CEP112: variants seen among roughly 807,000 people sequenced by gnomAD.
CEP112 encodes the protein centrosomal protein 112, also known as centrosomal protein of 112 kDa.
CEP112 carries 127 observed loss-of-function variants against 153.0 expected under a neutral mutation model. The ratio of observed to expected loss-of-function variants is 0.83; its 90% CI spans 0.72 to 0.96. The LOEUF is 0.96. Ranked by LOEUF, CEP112 falls within the 40% of genes least tolerant of loss-of-function variation. The pLI, the probability that CEP112 is intolerant of heterozygous loss-of-function variation, is 0.00. For synonymous variants in CEP112, 358 were observed against 374.4 expected (o/e 0.96, Z 0.51); for missense variants, 1,089 against 1,101.2 (o/e 0.99, Z 0.16).
intron 4 of CEP112, among the ~76,000 whole-genome samples, chr17:66,159,500 C>T (rs1037065563): frequency 2.6e-5 from 4 of 151,864 alleles, no homozygotes; most frequent in Non-Finnish European, 2.9e-5. Context: ...AGTTTATCCA[C>T]CACAATCAAG....
chr17:65,763,605 G>A (rs1243688905), intron 21 of CEP112, among the ~76,000 whole-genome samples: 1 of 151,768 alleles, frequency 6.6e-6, no homozygotes, highest in African/African-American at 2.4e-5. Context: ...CTACTGATGA[G>A]TCTATCACAG....
At chr17:65,831,332 T>C (rs1477117974) in intron 21 of CEP112, among the ~76,000 whole-genome samples, 1 of 151,728 alleles carries the variant, frequency 6.6e-6, no homozygotes, top group African/African-American at 2.4e-5. Flanking sequence ...CCGAGGCGGG[T>C]GGATCACGAG....
At chr17:65,970,436 A>T (rs568097692) in intron 17 of CEP112, among the ~76,000 whole-genome samples, 8 of 44,748 alleles carry the variant, frequency 1.8e-4, no homozygotes, top group Middle Eastern at 0.012. Flanking sequence ...GCATGCACAC[A>T]TCATGCATGT....
intron 22 of CEP112, among the ~76,000 whole-genome samples, chr17:65,749,938 C>T (rs923638758): frequency 6.6e-6 from 1 of 152,088 alleles, no homozygotes; most frequent in Non-Finnish European, 1.5e-5. Context: ...GCTTAACTTA[C>T]CTACCTGCAA....
intron 17 of CEP112, among the ~76,000 whole-genome samples, chr17:65,965,674 A>G (rs1421010827): frequency 5.3e-5 from 8 of 151,848 alleles, no homozygotes; most frequent in African/African-American, 1.9e-4. Context: ...GGTGCAAGCC[A>G]CCACCCCTGG....
chr17:65,769,840 T>C (rs891211208), intron 21 of CEP112, among the ~76,000 whole-genome samples: 1 of 152,062 alleles, frequency 6.6e-6, no homozygotes, highest in Non-Finnish European at 1.5e-5. Flanking sequence ...GCTGATCAGT[T>C]TTTTTCCTGC....
At chr17:65,673,592 T>C (rs1355343001) in intron 24 of CEP112, among the ~76,000 whole-genome samples, 1 of 152,102 alleles carries the variant, frequency 6.6e-6, no homozygotes, top group Non-Finnish European at 1.5e-5. Context: ...TCCCACATAA[T>C]ATATCCCACA....
intron 24 of CEP112, among the ~76,000 whole-genome samples, chr17:65,664,374 T>C (rs1567830987): frequency 6.6e-6 from 1 of 152,214 alleles, no homozygotes; most frequent in Admixed American, 6.5e-5. Context: ...GATAGTCCAT[T>C]AATTAAGTTT....
At chr17:65,890,903 G>A (rs956571097) in intron 20 of CEP112, among the ~76,000 whole-genome samples, 10 of 152,108 alleles carry the variant, frequency 6.6e-5, no homozygotes, top group East Asian at 1.9e-4. Context: ...CCTATACCAC[G>A]CAGCCTTTGA....
chr17:65,724,063 G>T lies in CEP112; in HGVS notation c.2607+19005C>A, dbSNP rs550399137. Among the ~76,000 whole-genome samples, 74 of 152,160 alleles carry T rather than the reference G, an allele frequency of 4.9e-4. 2 individuals are homozygous for T. The South Asian group carries it at 0.015, about 32-fold the overall frequency. On this transcript the variant is annotated intron_variant, in intron 23 of 26. Transcript: ENST00000535342. The stretch of plus-strand genomic sequence containing the variant: ...TTCTGCTTCTCTTGAAAAAATGGGG[G>T]TTGTTCTTTTTTTTAATTCCACTTT...
intron 19 of CEP112, among the ~76,000 whole-genome samples, chr17:65,912,294 C>T (rs1438424770): frequency 1.3e-5 from 2 of 152,152 alleles, no homozygotes; most frequent in African/African-American, 4.8e-5. Flanking sequence ...ATCGTGTCTA[C>T]CTTCCATCTA....
At chr17:66,042,967 T>C in intron 12 of CEP112, 2 of 373,738 alleles carry the variant, frequency 5.4e-6, no homozygotes, top group Non-Finnish European at 7.4e-6. Context: ...AACTATAAAA[T>C]CAAATTCTAG....
In CEP112 at chr17:65,640,966, G is replaced by A; in HGVS notation, c.2797C>T (p.Gln933Ter). The A allele has an allele frequency of 6.4e-7, 1 of 1,558,568 alleles. No individual in the cohort carries two copies. Residue 933 changes from glutamine to a stop codon, truncating the protein, a stop_gained and splice_region_variant, in exon 25 of 27, where the codon CAG (glutamine) becomes TAG (stop). Coordinates refer to ENST00000535342, the MANE Select transcript of CEP112 (RefSeq NM_001199165.4). LOFTEE classifies it high-confidence loss of function. ...LEDTISSLKS[Q>*]VNFLQKRASI... The stretch of plus-strand genomic sequence containing the variant: ...AATGCCTTGATTCTAGTAATTACCT[G>A]TGATTTTAGGGAGGAAATGGTGTCT...
Position 66,057,492 on chromosome 17 carries a change from C to A in CEP112, c.1075-3613G>T, listed in dbSNP as rs982714330. Among the ~76,000 whole-genome samples, 20 of 151,912 alleles carry A rather than the reference C, an allele frequency of 1.3e-4. 2 individuals are homozygous for A. The highest frequency in any genetic ancestry group is 1.2e-3 in the Admixed American group (18 of 15,234). On this transcript the variant is annotated intron_variant, in intron 11 of 26. Transcript: ENST00000535342. ...AAACGAAGAAGATGAAGTTTAAGGA[C>A]AATGATGGAATTCAGACCAAGGAGA...
At chr17:65,905,589 C>T (rs1029012920) in intron 19 of CEP112, among the ~76,000 whole-genome samples, 1 of 152,128 alleles carries the variant, frequency 6.6e-6, no homozygotes, top group Non-Finnish European at 1.5e-5. Flanking sequence ...ACCCACAATC[C>T]CATTACTGGG....
intron 12 of CEP112, among the ~76,000 whole-genome samples, chr17:66,034,208 C>T (rs1239787206): frequency 1.3e-5 from 2 of 151,988 alleles, no homozygotes; most frequent in Non-Finnish European, 2.9e-5. Context: ...GATTTCTGGC[C>T]ATATTATAGA....
At chr17:66,136,414 G>A (rs1380360241) in intron 4 of CEP112, among the ~76,000 whole-genome samples, 2 of 151,856 alleles carry the variant, frequency 1.3e-5, no homozygotes, top group Non-Finnish European at 2.9e-5. Context: ...AAATGCCTGG[G>A]GACCACTGAG....
At chr17:65,808,717 T>C (rs193252418) in intron 21 of CEP112, among the ~76,000 whole-genome samples, 2 of 152,288 alleles carry the variant, frequency 1.3e-5, no homozygotes, top group Non-Finnish European at 2.9e-5. Flanking sequence ...TCCACCATGA[T>C]TGTAAGTTTC....
chr17:65,821,136 G>A (rs12948910), intron 21 of CEP112, among the ~76,000 whole-genome samples: 3 of 150,504 alleles, frequency 2.0e-5, no homozygotes, highest in Non-Finnish European at 3.0e-5. Flanking sequence ...AAAAAATGTT[G>A]TACAATGCTC....
Sources: gnomAD v4.1 joint callset for allele counts (sites outside exome capture counted in the v4.1 genomes callset) on GRCh38, gnomAD v4.1.1 for gene constraint, MANE v1.5 for transcripts, NCBI Gene and HGNC (gene_info 2026-07-23, HGNC 2026-07-21) for gene names.